AGBL3: variants seen among roughly 807,000 people sequenced by gnomAD.
AGBL3 encodes AGBL carboxypeptidase 3, also known as cytosolic carboxypeptidase 3.
In AGBL3, 68 loss-of-function variants were observed where a neutral mutation model predicts 94.5. The observed-to-expected ratio is 0.72, with a 90% CI of 0.59 to 0.88. The LOEUF is 0.88. AGBL3 is among the 40% of genes least tolerant of loss of function. The probability of loss-of-function intolerance (pLI) is 0.00; values close to 1 mark genes in which losing one functional copy is unlikely to be tolerated. For synonymous variants in AGBL3, 354 were observed against 370.7 expected (o/e 0.95, Z 0.52); for missense variants, 934 against 1,103.8 (o/e 0.85, Z 2.18).
chr7:135,134,409 A>T (rs1215880175), intron 16 of AGBL3, among the ~76,000 whole-genome samples: 2 of 151,874 alleles, frequency 1.3e-5, no homozygotes, highest in African/African-American at 4.8e-5. Flanking sequence ...CCTCTCTTAG[A>T]CTCACGTTGA....
At chr7:135,055,577 AATGT>A (rs1370441305) in intron 11 of AGBL3, among the ~76,000 whole-genome samples, 1 of 152,116 alleles carries the variant, frequency 6.6e-6, no homozygotes, top group African/African-American at 2.4e-5. Context: ...CTGATTTTTG[AATGT>A]TGAAACAACC....
At chr7:135,127,120 C>G (rs1176749827) in intron 16 of AGBL3, among the ~76,000 whole-genome samples, 2 of 152,216 alleles carry the variant, frequency 1.3e-5, no homozygotes, top group African/African-American at 4.8e-5. Context: ...ATCTACCCAT[C>G]TGACAAAGGT....
intron 11 of AGBL3, among the ~76,000 whole-genome samples, chr7:135,051,813 C>G (rs1817901627): frequency 1.3e-5 from 2 of 151,968 alleles, no homozygotes; most frequent in African/African-American, 2.4e-5. Context: ...ATCATATACC[C>G]ATAATAATGC....
At chr7:135,132,927 G>A (rs1003451577) in intron 16 of AGBL3, among the ~76,000 whole-genome samples, 1 of 152,088 alleles carries the variant, frequency 6.6e-6, no homozygotes, top group Non-Finnish European at 1.5e-5. Context: ...AGAAGTTCTA[G>A]CCACTGCAAT....
At chr7:135,127,485 G>A (rs188139864) in intron 16 of AGBL3, among the ~76,000 whole-genome samples, 57 of 151,922 alleles carry the variant, frequency 3.8e-4, no homozygotes, top group African/African-American at 1.2e-3. Flanking sequence ...CCCGGGAGGC[G>A]GAGGTTGCAG....
chr7:135,010,904 A>T (rs1184707114), intron 4 of AGBL3: 1 of 152,190 alleles, frequency 6.6e-6, no homozygotes, highest in African/African-American at 2.4e-5. Context: ...CTCCAAACTG[A>T]TCTACATGTC....
At position 135,059,256 on chromosome 7, in the gene AGBL3, T is replaced by C. The variant is rs1389761950; in HGVS notation, c.1908+21T>C. The C allele has an allele frequency of 5.2e-6, 8 of 1,537,686 alleles. No individual in the cohort carries two copies. The Admixed American group carries it at 1.6e-4, about 30-fold the overall frequency. On this transcript the variant is annotated intron_variant, in intron 12 of 16. Coordinates refer to ENST00000436302, the MANE Select transcript of AGBL3 (RefSeq NM_178563.4). ...CTCAGGTATGACTGAACATTTTTGC[T>C]TATATGTGGATATGCTGTGTAGGTA...
chr7:135,037,071 C>T (rs547957127), intron 7 of AGBL3, among the ~76,000 whole-genome samples: 65 of 152,218 alleles, frequency 4.3e-4, no homozygotes, highest in Non-Finnish European at 7.5e-4. Flanking sequence ...AGGCATGTGC[C>T]GCCACACCCA....
chr7:135,019,136 T>A (rs1814138890), intron 5 of AGBL3, among the ~76,000 whole-genome samples: 1 of 152,242 alleles, frequency 6.6e-6, no homozygotes, highest in Admixed American at 6.5e-5. Flanking sequence ...TGGGATTATG[T>A]TTTCAGATTT....
intron 12 of AGBL3, among the ~76,000 whole-genome samples, chr7:135,070,950 A>T (rs1819850741): frequency 6.6e-6 from 1 of 152,036 alleles, no homozygotes. Context: ...CTGTTTGCAG[A>T]TGACATGATT....
chr7:135,037,621 G>A (rs1444764228), intron 8 of AGBL3, 41 bp downstream of exon 8: 2 of 1,469,144 alleles, frequency 1.4e-6, no homozygotes, highest in Non-Finnish European at 1.8e-6. Context: ...TTTATCAAAT[G>A]TTGCCCATGT....
At chr7:135,091,821 C>T (rs1017544137) in intron 15 of AGBL3, among the ~76,000 whole-genome samples, 1 of 152,190 alleles carries the variant, frequency 6.6e-6, no homozygotes, top group African/African-American at 2.4e-5. Flanking sequence ...AGCTACTCAT[C>T]ATTTAAGGCA....
intron 11 of AGBL3, among the ~76,000 whole-genome samples, chr7:135,050,851 T>C (rs1241568720): frequency 6.6e-6 from 1 of 152,066 alleles, no homozygotes; most frequent in East Asian, 1.9e-4. Flanking sequence ...GGTCCTCTTT[T>C]TTTAATCCAT....
chr7:135,075,622 G>C (rs757408636), intron 12 of AGBL3, among the ~76,000 whole-genome samples: 2 of 152,120 alleles, frequency 1.3e-5, no homozygotes, highest in Non-Finnish European at 2.9e-5. Flanking sequence ...GGTAGTTATG[G>C]TACATACATG....
At chr7:135,133,704 C>A (rs889934058) in intron 16 of AGBL3, among the ~76,000 whole-genome samples, 2 of 152,016 alleles carry the variant, frequency 1.3e-5, no homozygotes, top group Non-Finnish European at 2.9e-5. Flanking sequence ...GGTGCTGGAA[C>A]AATTGGATAT....
At chr7:135,033,574 A>G (rs1488385435) in intron 6 of AGBL3, among the ~76,000 whole-genome samples, 4 of 152,330 alleles carry the variant, frequency 2.6e-5, no homozygotes, top group African/African-American at 9.6e-5. Context: ...ATGTATATAA[A>G]TAACATTCCA....
chr7:134,993,707 G>C, intron 4 of AGBL3, 29 bp downstream of exon 4: 1 of 1,466,490 alleles, frequency 6.8e-7, no homozygotes, highest in Non-Finnish European at 9.1e-7. Flanking sequence ...GGGGGATTCA[G>C]ACATTAGCAA....
intron 16 of AGBL3, among the ~76,000 whole-genome samples, chr7:135,124,760 G>T (rs117791370): frequency 1.5e-3 from 231 of 152,132 alleles, no homozygotes; most frequent in Non-Finnish European, 2.8e-3. Context: ...AAAACCACAC[G>T]ATTACATGGA....
At chr7:135,037,354 T>C in intron 7 of AGBL3, 64 bp from the exon 8 acceptor site, 2 of 1,364,296 alleles carry the variant, frequency 1.5e-6, no homozygotes, top group Non-Finnish European at 2.0e-6. Flanking sequence ...TATAAATCCA[T>C]AGTTGTACCT....
Sources: gnomAD v4.1 joint callset for allele counts (sites outside exome capture counted in the v4.1 genomes callset) on GRCh38, gnomAD v4.1.1 for gene constraint, MANE v1.5 for transcripts, NCBI Gene and HGNC (gene_info 2026-07-23, HGNC 2026-07-21) for gene names.